The following CBLB variants were observed in gnomAD, a reference collection of about 807,000 sequenced individuals.
CBLB encodes Cbl proto-oncogene B.
CBLB carries 31 observed loss-of-function variants against 104.9 expected under a neutral mutation model. The observed-to-expected ratio is 0.30, with a 90% CI of 0.22 to 0.40. The LOEUF is 0.40. Ranked by LOEUF, CBLB falls within the 10% of genes least tolerant of loss-of-function variation. The probability of loss-of-function intolerance (pLI) is 1.00; values close to 1 mark genes in which losing one functional copy is unlikely to be tolerated. For missense variants in CBLB, 1,062 were observed against 1,214.6 expected, an observed-to-expected ratio of 0.87 and a Z score of 1.87; for synonymous variants, 440 against 422.6, an observed-to-expected ratio of 1.04 and a Z score of -0.51.
At chr3:105,720,499 G>A (rs9831221) in intron 9 of CBLB, among the ~76,000 whole-genome samples, 150,190 of 152,280 alleles carry the variant, frequency 0.99, 74,103 homozygotes, top group East Asian at 1. Context: ...TTTCCCAAGA[G>A]AAGAAACCTC....
chr3:105,675,987 CT>C (rs34061447), intron 17 of CBLB, among the ~76,000 whole-genome samples: 4,283 of 140,818 alleles, frequency 0.03, 157 homozygotes, highest in East Asian at 0.18. Flanking sequence ...AAAAAGTTGC[CT>C]TTTTTTTTTT....
At chr3:105,698,928 T>A (rs62264292) in intron 12 of CBLB, among the ~76,000 whole-genome samples, 26,607 of 152,010 alleles carry the variant, frequency 0.18, 2,738 homozygotes, top group East Asian at 0.52. Flanking sequence ...ATAAGAAAAC[T>A]ATGCAAGATA....
rs996228030 is a variant in CBLB, at chr3:105,685,375, G to A, written c.2146C>T (p.Pro716Ser). 1 of 1,613,152 alleles carries A rather than the reference G, an allele frequency of 6.2e-7. No homozygotes were observed. Among genetic ancestry groups the A allele is most frequent in the Non-Finnish European group, 8.5e-7 (1 of 1,179,228 alleles). The change falls in exon 14 of 19, where the codon CCT becomes TCT. Residue 716 changes from proline to serine, a missense_variant. Around this residue, in one of 2 missense-constraint regions of CBLB, gnomAD observed 605 missense variants for 582.6 expected, o/e 1.04. Transcript: ENST00000394030. ...DDEYKIPSSH[P>S]VSLNSQPSHC... ...GATGGTTGTGAATTCAGGGAAACAG[G>A]GTGGGATGAAGGAATCTTGTATTCA...
At chr3:105,710,310 C>G (rs1351908678) in intron 10 of CBLB, among the ~76,000 whole-genome samples, 1 of 151,810 alleles carries the variant, frequency 6.6e-6, no homozygotes, top group African/African-American at 2.4e-5. Context: ...GTTCATCTCT[C>G]TAATCTTAAG....
intron 12 of CBLB, 58 bp downstream of exon 12, chr3:105,702,036 T>G (rs2069199718): frequency 1.2e-6 from 2 of 1,602,554 alleles, no homozygotes; most frequent in Middle Eastern, 3.5e-4. Context: ...TTTATGCTAC[T>G]GACCATCAGA....
Position 105,658,856 on chromosome 3 carries a change from G to A in CBLB, c.*114C>T, listed in dbSNP as rs2063512636. 8.7e-7 allele frequency: 1 copy of A among 1,154,198 alleles called. No individual in the cohort carries two copies. The highest frequency in any genetic ancestry group is 1.5e-5 in the African/African-American group (1 of 65,326). The allele number at this position is 1,154,198 out of a possible 1,614,324, so 71.5% of individuals were successfully genotyped here. The stretch of plus-strand genomic sequence containing the variant: ...GCTGCACTCCCAAGCCTCTTCTCAA[G>A]CTGCTACACGAGGAGGAGACACTTC... On this transcript the variant is annotated 3_prime_UTR_variant, in exon 19 of 19. Coordinates refer to ENST00000394030, the MANE Select transcript of CBLB (RefSeq NM_170662.5).
intron 3 of CBLB, among the ~76,000 whole-genome samples, chr3:105,806,028 C>T (rs2083454386): frequency 6.6e-6 from 1 of 151,494 alleles, no homozygotes; most frequent in Non-Finnish European, 1.5e-5. Context: ...CTCCCATGGT[C>T]TACATATGGG....
At chr3:105,797,113 T>C (rs1007093369) in intron 3 of CBLB, among the ~76,000 whole-genome samples, 5 of 152,230 alleles carry the variant, frequency 3.3e-5, no homozygotes, top group Admixed American at 1.3e-4. Flanking sequence ...TAAATCATTC[T>C]ACGATAAAGA....
At position 105,853,537 on chromosome 3, in the gene CBLB, G is replaced by T. The variant is rs762667950; in HGVS notation, c.296C>A (p.Ala99Asp). 7.4e-6 allele frequency: 12 copies of T among 1,613,374 alleles called. No homozygotes were observed. The African/African-American group carries it at 9.4e-5, about 13-fold the overall frequency. ...AAAGTACTCATTCTCACTGAGTTGG[G>T]CAAGTTTCTGGTTGTCATCATATTT... is the stretch of plus-strand genomic sequence containing the variant. ...LSKYDDNQKLAQLSENEYFKI... is the reference protein window; with the variant it reads ...LSKYDDNQKLDQLSENEYFKI... Residue 99 changes from alanine (A) to aspartate (D), a missense_variant, in exon 3 of 19, where the codon GCC becomes GAC. Physicochemically the swap from Ala to Asp is moderately radical, Grantham distance 126 (BLOSUM62 -2). Around this residue, in one of 2 missense-constraint regions of CBLB, gnomAD observed 457 missense variants for 632.0 expected, o/e 0.72. Transcript: ENST00000394030.
At chr3:105,693,009 C>T (rs373515967) in intron 13 of CBLB, among the ~76,000 whole-genome samples, 2 of 151,296 alleles carry the variant, frequency 1.3e-5, no homozygotes, top group South Asian at 4.2e-4. Context: ...AGTTGTCCAG[C>T]TCTGAGGCAA....
chr3:105,821,194 T>C (rs530635832), intron 3 of CBLB, among the ~76,000 whole-genome samples: 2 of 152,110 alleles, frequency 1.3e-5, no homozygotes, highest in Admixed American at 6.6e-5. Context: ...AAACACAACA[T>C]AATTTACATA....
In CBLB at chr3:105,786,585, C is replaced by A. The variant is rs535930361; in HGVS notation, c.420-10043G>T. ...ACAAATGGCACACCAGTATTTTTTC[C>A]ATATCCTTCCCCAAAAGAAAAACCT... is the stretch of plus-strand genomic sequence containing the variant. On this transcript the variant is annotated intron_variant, in intron 3 of 18. Coordinates refer to ENST00000394030, the MANE Select transcript of CBLB (RefSeq NM_170662.5). Among the ~76,000 whole-genome samples, 6 of 152,222 alleles carry A rather than the reference C, an allele frequency of 3.9e-5. No individual in the cohort carries two copies. The East Asian group carries it at 9.6e-4, about 24-fold the overall frequency.
chr3:105,758,700 C>G (rs879390407), intron 4 of CBLB, among the ~76,000 whole-genome samples: 8 of 152,260 alleles, frequency 5.3e-5, no homozygotes, highest in Non-Finnish European at 1.2e-4. Flanking sequence ...GCAGGGCGGG[C>G]AGCTCCAGGC....
At chr3:105,827,695 G>A (rs1429670078) in intron 3 of CBLB, among the ~76,000 whole-genome samples, 1 of 152,136 alleles carries the variant, frequency 6.6e-6, no homozygotes, top group Non-Finnish European at 1.5e-5. Flanking sequence ...AGGAAATTTA[G>A]ATTATCAAGA....
At chr3:105,864,043 T>A (rs1416193229) in intron 2 of CBLB, among the ~76,000 whole-genome samples, 1 of 152,140 alleles carries the variant, frequency 6.6e-6, no homozygotes, top group Non-Finnish European at 1.5e-5. Flanking sequence ...ATTTCCTTAC[T>A]CTCACCTCAG....
intron 10 of CBLB, among the ~76,000 whole-genome samples, chr3:105,713,480 G>A (rs77771395): frequency 6.6e-6 from 1 of 152,094 alleles, no homozygotes; most frequent in African/African-American, 2.4e-5. Context: ...AGCATAGCCT[G>A]TGTCCTCAAG....
intron 3 of CBLB, among the ~76,000 whole-genome samples, chr3:105,782,333 A>G (rs1454671030): frequency 6.6e-6 from 1 of 152,234 alleles, no homozygotes; most frequent in African/African-American, 2.4e-5. Context: ...ACTGAAACAC[A>G]GGCAGGACAA....
At chr3:105,795,300 A>G (rs112806061) in intron 3 of CBLB, among the ~76,000 whole-genome samples, 175 of 152,336 alleles carry the variant, frequency 1.1e-3, no homozygotes, top group African/African-American at 4.0e-3. Flanking sequence ...AACAAAGTAC[A>G]ACAATATGCA....
At chr3:105,814,116 C>T (rs1269224724) in intron 3 of CBLB, among the ~76,000 whole-genome samples, 2 of 152,110 alleles carry the variant, frequency 1.3e-5, no homozygotes, top group African/African-American at 4.8e-5. Context: ...TGCCCAAACA[C>T]TCATGACTCA....
Sources: allele counts gnomAD v4.1 joint callset (sites outside exome capture counted in the v4.1 genomes callset), GRCh38; gene constraint gnomAD v4.1.1; regional missense constraint gnomAD v4.1.1; transcripts MANE v1.5; gene names NCBI Gene and HGNC (gene_info 2026-07-23, HGNC 2026-07-21).